PTPRD: variants seen among roughly 807,000 people sequenced by gnomAD.
The protein encoded by PTPRD is protein tyrosine phosphatase receptor type D.
PTPRD carries 34 observed loss-of-function variants against 214.5 expected under a neutral mutation model. The ratio of observed to expected loss-of-function variants is 0.16; its 90% CI spans 0.12 to 0.21. The LOEUF is 0.21. Among genes scored for constraint, PTPRD ranks in the 10% least tolerant of loss-of-function variants. PTPRD has a pLI of 1.00. For synonymous variants in PTPRD, 1,128 were observed against 845.7 expected, an observed-to-expected ratio of 1.33 and a Z score of -5.79; for missense variants, 2,545 against 2,398.7, an observed-to-expected ratio of 1.06 and a Z score of -1.27.
At chr9:9,857,512 C>T (rs2061780466) in intron 5 of PTPRD, among the ~76,000 whole-genome samples, 1 of 152,182 alleles carries the variant, frequency 6.6e-6, no homozygotes, top group Non-Finnish European at 1.5e-5. Context: ...TCACTCTCTG[C>T]ACACGGTGCA....
intron 4 of PTPRD, among the ~76,000 whole-genome samples, chr9:9,944,566 G>A (rs991949876): frequency 1.3e-5 from 2 of 152,064 alleles, no homozygotes; most frequent in East Asian, 3.9e-4. Context: ...ACATTTGAGT[G>A]AAGACCTGAA....
chr9:8,331,686 C>A lies in PTPRD; in HGVS notation c.5430G>T (p.Glu1810Asp). 6.2e-7 allele frequency: 1 copy of A among 1,613,764 alleles called. No individual in the cohort carries two copies. Among genetic ancestry groups the A allele is most frequent in the Non-Finnish European group, 8.5e-7 (1 of 1,179,850 alleles). The change falls in exon 44 of 46, where the codon GAG becomes GAT. Residue 1810 changes from glutamate (E) to aspartate (D), a missense_variant. Physicochemically the swap from Glu to Asp is conservative, Grantham distance 45. Coordinates refer to ENST00000381196, the MANE Select transcript of PTPRD (RefSeq NM_002839.4). ...VRQFQFTDWP[E>D]QGVPKSGEGF... ...CTTCTCCGGACTTTGGCACTCCTTGCTCTGGCCAGTCAGTGAACTGGAACT... is the reference window on the plus strand; with the variant it reads ...CTTCTCCGGACTTTGGCACTCCTTGATCTGGCCAGTCAGTGAACTGGAACT...
chr9:10,509,579 A>ATATATATATATATATATATATT (rs1402201904), intron 2 of PTPRD, among the ~76,000 whole-genome samples: 18 of 131,250 alleles, frequency 1.4e-4, no homozygotes, highest in Admixed American at 4.9e-4. Flanking sequence ...ATATATATAT[A>ATATATATATATATATATATATT]TTTTACTCAC....
intron 9 of PTPRD, among the ~76,000 whole-genome samples, chr9:9,233,478 A>G (rs920242526): frequency 6.6e-6 from 1 of 152,182 alleles, no homozygotes; most frequent in African/African-American, 2.4e-5. Flanking sequence ...TCATGTTCTT[A>G]CATTTCAAAA....
At chr9:8,445,925 C>G (rs1254421122) in intron 34 of PTPRD, among the ~76,000 whole-genome samples, 2 of 152,156 alleles carry the variant, frequency 1.3e-5, no homozygotes, top group Admixed American at 1.3e-4. Context: ...TCAGTGACTT[C>G]AGAATGAGAA....
At chr9:8,460,092 G>A (rs1338660037) in intron 33 of PTPRD, among the ~76,000 whole-genome samples, 1 of 152,096 alleles carries the variant, frequency 6.6e-6, no homozygotes, top group Admixed American at 6.5e-5. Context: ...AAGCTTGCAT[G>A]GAATTATTTG....
intron 10 of PTPRD, among the ~76,000 whole-genome samples, chr9:9,132,944 C>T (rs551027413): frequency 2.0e-5 from 3 of 152,240 alleles, no homozygotes; most frequent in Non-Finnish European, 2.9e-5. Flanking sequence ...TATTCATTTG[C>T]ATATCAGATA....
chr9:10,489,037 C>A, intron 2 of PTPRD, among the ~76,000 whole-genome samples: 1 of 152,066 alleles, frequency 6.6e-6, no homozygotes, highest in East Asian at 1.9e-4. Context: ...AGTCTTGCCC[C>A]ATAGACACCA....
chr9:9,463,606 T>C (rs904671470), intron 8 of PTPRD, among the ~76,000 whole-genome samples: 1 of 152,090 alleles, frequency 6.6e-6, no homozygotes, highest in Non-Finnish European at 1.5e-5. Flanking sequence ...AAAGAAAACA[T>C]ACAATTTTTT....
chr9:9,069,129 T>C (rs957446232), intron 10 of PTPRD, among the ~76,000 whole-genome samples: 23 of 152,326 alleles, frequency 1.5e-4, no homozygotes, highest in African/African-American at 4.8e-4. Context: ...GATATTGCTA[T>C]ACTTAAAGGT....
chr9:9,956,444 C>G (rs909455937), intron 4 of PTPRD, among the ~76,000 whole-genome samples: 1 of 152,022 alleles, frequency 6.6e-6, no homozygotes, highest in Non-Finnish European at 1.5e-5. Context: ...TTTCAGAAAT[C>G]CAGTTCATTG....
rs2135781751 is a variant in PTPRD at position 8,484,282 on chromosome 9, C to T, written c.3250G>A (p.Val1084Met). Reference protein sequence around the residue: ...NLKPEKSYSFVLTNRGNSAGG... With the variant: ...NLKPEKSYSFMLTNRGNSAGG... The stretch of plus-strand genomic sequence containing the variant: ...GCACTGTTTCCACGATTTGTCAGCA[C>T]AAATGAATATGATTTCTCAGGCTTC... The change falls in exon 30 of 46, where the codon GTG (valine) becomes ATG (methionine). Residue 1084 changes from valine to methionine, a missense_variant. Coordinates refer to ENST00000381196, the MANE Select transcript of PTPRD (RefSeq NM_002839.4). 1 of 1,614,038 alleles carries T rather than the reference C, an allele frequency of 6.2e-7. No homozygotes were observed. The highest frequency in any genetic ancestry group is 8.5e-7 in the Non-Finnish European group (1 of 1,180,010).
chr9:9,155,451 T>A (rs980127912), intron 10 of PTPRD, among the ~76,000 whole-genome samples: 5 of 152,060 alleles, frequency 3.3e-5, no homozygotes, highest in African/African-American at 4.8e-5. Flanking sequence ...TTCTCAGAAA[T>A]AAGTCTCTAG....
intron 5 of PTPRD, among the ~76,000 whole-genome samples, chr9:9,826,676 G>A (rs1167369589): frequency 2.0e-5 from 3 of 151,944 alleles, no homozygotes; most frequent in African/African-American, 7.2e-5. Context: ...AGCAAGATGT[G>A]TAATTTTCAA....
chr9:10,583,989 T>C (rs2073022859), intron 2 of PTPRD, among the ~76,000 whole-genome samples: 1 of 152,158 alleles, frequency 6.6e-6, no homozygotes, highest in South Asian at 2.1e-4. Flanking sequence ...GTAACAATTC[T>C]GAGCATTGCC....
At chr9:8,892,296 G>C (rs1410697544) in intron 11 of PTPRD, among the ~76,000 whole-genome samples, 1 of 152,148 alleles carries the variant, frequency 6.6e-6, no homozygotes, top group Non-Finnish European at 1.5e-5. Context: ...TGGATATGGG[G>C]AGTCAGTGCA....
intron 5 of PTPRD, among the ~76,000 whole-genome samples, chr9:9,889,848 G>A (rs1469359220): frequency 6.6e-6 from 1 of 151,652 alleles, no homozygotes; most frequent in East Asian, 1.9e-4. Context: ...GTCTCTGCAG[G>A]GGCAGGTTTC....
chr9:9,332,406 TTGC>T (rs2042667714), intron 9 of PTPRD, among the ~76,000 whole-genome samples: 1 of 152,018 alleles, frequency 6.6e-6, no homozygotes, highest in Non-Finnish European at 1.5e-5. Flanking sequence ...TTTTGTCTAG[TTGC>T]TATCAATAAC....
rs578099289 is a variant in PTPRD at position 10,032,343 on chromosome 9, A to G, written c.-472+1375T>C. On this transcript the variant is annotated intron_variant, in intron 4 of 45. Transcript: ENST00000381196. ...CCATGACTAAGGGATTCTACAATAC[A>G]GTGATCATAAATGATGTGTGCCAAC... Among the ~76,000 whole-genome samples the G allele has an allele frequency of 4.6e-5, 7 of 152,306 alleles. No homozygotes were observed. In the East Asian group the frequency reaches 9.6e-4, roughly 21 times the overall value.
Sources: allele counts gnomAD v4.1 joint callset (sites outside exome capture counted in the v4.1 genomes callset), GRCh38; gene constraint gnomAD v4.1.1; transcripts MANE v1.5; gene names NCBI Gene and HGNC (gene_info 2026-07-23, HGNC 2026-07-21).